The following LGR5 variants were observed in gnomAD, a reference collection of about 807,000 sequenced individuals.
The protein encoded by LGR5 is leucine-rich repeat-containing G protein-coupled receptor 5.
In LGR5, 54 loss-of-function variants were observed where a neutral mutation model predicts 76.7. That is an observed-to-expected ratio of 0.70 (90% CI 0.57 to 0.88). LGR5 has a LOEUF of 0.88. Ranked by LOEUF, LGR5 falls within the 40% of genes least tolerant of loss-of-function variation. LGR5 has a pLI of 0.00. For missense variants in LGR5, 1,078 were observed against 1,073.3 expected, an observed-to-expected ratio of 1.00 and a Z score of -0.06; for synonymous variants, 406 against 421.9, an observed-to-expected ratio of 0.96 and a Z score of 0.46.
Position 71,452,212 on chromosome 12 carries a change from G to C in LGR5, c.212+11920G>C, listed in dbSNP as rs546425953. On this transcript the variant is annotated intron_variant, in intron 1 of 17. Transcript: ENST00000266674. ...GGTGGGCCCTCTCCTCTTGGGAACT[G>C]TGAGTAACAAACTCCCTGTTTAATG... Among the ~76,000 whole-genome samples the C allele has an allele frequency of 2.0e-5, 3 of 152,314 alleles. No homozygotes were observed. The South Asian group carries it at 6.2e-4, about 32-fold the overall frequency.
At chr12:71,564,780 TATATAC>T (rs1326873589) in intron 8 of LGR5, among the ~76,000 whole-genome samples, 38 of 148,884 alleles carry the variant, frequency 2.6e-4, no homozygotes, top group African/African-American at 7.9e-4. Flanking sequence ...ACACACTGCA[TATATAC>T]ATATATACAT....
chr12:71,443,109 ACAAGCATT>A (rs1871838312), intron 1 of LGR5, among the ~76,000 whole-genome samples: 1 of 152,020 alleles, frequency 6.6e-6, no homozygotes, highest in South Asian at 2.1e-4. Context: ...CAAAAAAAGA[ACAAGCATT>A]TCCTTTTCTT....
rs3765015 is a variant in LGR5, at chr12:71,559,760, G to A, written c.785+106G>A. 1.3e-5 allele frequency: 8 copies of A among 596,964 alleles called. No individual in the cohort carries two copies. In the East Asian group the frequency reaches 1.4e-4, roughly 11 times the overall value. 37.0% of individuals were successfully genotyped at this position (596,964 alleles called of 1,614,324 possible). On this transcript the variant is annotated intron_variant, in intron 7 of 17. Coordinates refer to ENST00000266674, the MANE Select transcript of LGR5 (RefSeq NM_003667.4). ...AATATGACTTGCTAGAAAATTTTAA[G>A]TTTATATAAATAATGATAAAGTACA...
intron 1 of LGR5, among the ~76,000 whole-genome samples, chr12:71,466,197 G>T (rs551224925): frequency 6.6e-6 from 1 of 152,292 alleles, no homozygotes; most frequent in African/African-American, 2.4e-5. Context: ...TTAGAATAAG[G>T]ACAAAATATA....
At chr12:71,499,321 G>A (rs184799867) in intron 1 of LGR5, among the ~76,000 whole-genome samples, 7 of 152,222 alleles carry the variant, frequency 4.6e-5, no homozygotes, top group Admixed American at 4.6e-4. Context: ...TGTCATAATG[G>A]CAAGGGTCTG....
intron 1 of LGR5, among the ~76,000 whole-genome samples, chr12:71,497,342 GAGGAAGGAAGGAAGAAAGGA>G (rs1321239617): frequency 6.7e-5 from 10 of 148,498 alleles, no homozygotes; most frequent in Admixed American, 6.7e-4. Flanking sequence ...AAGAGAGAAA[GAGGAAGGAAGGAAGAAAGGA>G]AGGAAGGAAG....
chr12:71,476,938 A>G (rs1873361549), intron 1 of LGR5, among the ~76,000 whole-genome samples: 1 of 152,240 alleles, frequency 6.6e-6, no homozygotes, highest in Non-Finnish European at 1.5e-5. Flanking sequence ...GATTAAACAA[A>G]TGTTTATCTC....
chr12:71,530,042 A>G (rs1316886964), intron 3 of LGR5, among the ~76,000 whole-genome samples: 1 of 152,068 alleles, frequency 6.6e-6, no homozygotes, highest in African/African-American at 2.4e-5. Context: ...CATCATGTAT[A>G]TAATGACACT....
chr12:71,449,287 TA>T (rs1272344704), intron 1 of LGR5, among the ~76,000 whole-genome samples: 1 of 152,204 alleles, frequency 6.6e-6, no homozygotes, highest in Non-Finnish European at 1.5e-5. Flanking sequence ...TCTCTGATTT[TA>T]ATTTGGAAAA....
chr12:71,469,019 G>A (rs1271154865), intron 1 of LGR5, among the ~76,000 whole-genome samples: 2 of 152,062 alleles, frequency 1.3e-5, no homozygotes, highest in African/African-American at 4.8e-5. Flanking sequence ...CTTTCTAAAT[G>A]TGTTTAGATT....
chr12:71,466,737 A>G (rs1279862375), intron 1 of LGR5, among the ~76,000 whole-genome samples: 1 of 152,010 alleles, frequency 6.6e-6, no homozygotes, highest in Non-Finnish European at 1.5e-5. Flanking sequence ...AAAACTTAAA[A>G]GGTTTTCTTT....
rs146110108 is a variant in LGR5, at chr12:71,578,805, G to C, written c.1282G>C (p.Asp428His). 6.2e-7 allele frequency: 1 copy of C among 1,603,328 alleles called. No individual in the cohort carries two copies. The highest frequency in any genetic ancestry group is 1.3e-5 in the African/African-American group (1 of 74,364). Residue 428 changes from aspartate to histidine, a missense_variant and splice_region_variant, in exon 15 of 18, where the codon GAC becomes CAC. By Grantham distance (81) the Asp-to-His change is moderately conservative. Coordinates refer to ENST00000266674, the MANE Select transcript of LGR5 (RefSeq NM_003667.4). ...CAATTGTTGTTTGATGTTTTGCAGGGACCTATCGTCCAACCTCCTGTCGTC... is the reference window on the plus strand; with the variant it reads ...CAATTGTTGTTTGATGTTTTGCAGGCACCTATCGTCCAACCTCCTGTCGTC... ...FSTLPSLIKL[D>H]LSSNLLSSFP... is the part of the protein sequence containing the mutation.
At chr12:71,452,883 A>T (rs1872306222) in intron 1 of LGR5, among the ~76,000 whole-genome samples, 1 of 152,208 alleles carries the variant, frequency 6.6e-6, no homozygotes, top group South Asian at 2.1e-4. Flanking sequence ...AGCACTTTGC[A>T]TGGCACCTTA....
At chr12:71,524,567 A>T in intron 3 of LGR5, 90 bp downstream of exon 3, 1 of 848,220 alleles carries the variant, frequency 1.2e-6, no homozygotes, top group Non-Finnish European at 2.0e-6. Flanking sequence ...TCTCTAATAC[A>T]CTATTTAAAT....
At chr12:71,508,591 T>C (rs1874979430) in intron 2 of LGR5, among the ~76,000 whole-genome samples, 1 of 151,570 alleles carries the variant, frequency 6.6e-6, no homozygotes, top group Non-Finnish European at 1.5e-5. Context: ...CCGTCTCTAC[T>C]AAAAATACAA....
chr12:71,537,941 T>A (rs1876684434), intron 4 of LGR5, among the ~76,000 whole-genome samples: 1 of 152,160 alleles, frequency 6.6e-6, no homozygotes, highest in South Asian at 2.1e-4. Flanking sequence ...GTTTCCCTTT[T>A]TTTTTCTTTT....
chr12:71,446,659 G>A (rs771152594), intron 1 of LGR5, among the ~76,000 whole-genome samples: 20 of 152,172 alleles, frequency 1.3e-4, no homozygotes, highest in Admixed American at 3.9e-4. Context: ...TTATACTTAT[G>A]CCTTGTAATC....
Position 71,584,108 on chromosome 12 carries a change from C to G in LGR5, c.2098C>G (p.Leu700Val). 6.2e-7 allele frequency: 1 copy of G among 1,614,242 alleles called. No homozygotes were observed. The highest frequency in any genetic ancestry group is 8.5e-7 in the Non-Finnish European group (1 of 1,180,052). The change falls in exon 18 of 18, where the codon CTG (leucine) becomes GTG (valine). Residue 700 changes from leucine to valine, a missense_variant. Transcript: ENST00000266674. ...GGCCTTGACCATGGCCGCAGTTCCC[C>G]TGCTGGGTGGCAGCAAGTATGGCGC... ...LLALTMAAVP[L>V]LGGSKYGASP...
rs1879216047 is a variant in LGR5 at position 71,584,144 on chromosome 12, T to G, written c.2134T>G (p.Cys712Gly). ...CAGCAAGTATGGCGCCTCCCCTCTC[T>G]GCCTGCCTTTGCCTTTTGGGGAGCC... ...GGSKYGASPL[C>G]LPLPFGEPST... is the part of the protein sequence containing the mutation. Residue 712 changes from cysteine to glycine, a missense_variant, in exon 18 of 18, where the codon TGC (cysteine) becomes GGC (glycine). Transcript: ENST00000266674. 2 of 1,614,210 alleles carry G rather than the reference T, an allele frequency of 1.2e-6. No homozygotes were observed. The highest frequency in any genetic ancestry group is 1.7e-6 in the Non-Finnish European group (2 of 1,180,040).
Sources: gnomAD v4.1 joint callset for allele counts (sites outside exome capture counted in the v4.1 genomes callset) on GRCh38, gnomAD v4.1.1 for gene constraint, MANE v1.5 for transcripts, NCBI Gene and HGNC (gene_info 2026-07-23, HGNC 2026-07-21) for gene names.